ARHGEF3: variants seen among roughly 807,000 people sequenced by gnomAD.
ARHGEF3 encodes the protein Rho guanine nucleotide exchange factor 3.
A neutral mutation model predicts 63.2 loss-of-function variants in ARHGEF3; 28 were observed. The ratio of observed to expected loss-of-function variants is 0.44; its 90% CI spans 0.33 to 0.61. The LOEUF is 0.61. ARHGEF3 is among the 20% of genes least tolerant of loss of function. The pLI is 0.03. For missense variants in ARHGEF3, 533 were observed against 659.3 expected, an observed-to-expected ratio of 0.81 and a Z score of 2.10; for synonymous variants, 266 against 254.2, an observed-to-expected ratio of 1.05 and a Z score of -0.44.
At chr3:56,954,318 C>T (rs933625093) in intron 3 of ARHGEF3, among the ~76,000 whole-genome samples, 4 of 152,176 alleles carry the variant, frequency 2.6e-5, no homozygotes, top group African/African-American at 9.7e-5. Context: ...TGCCTCCACC[C>T]CACCCCAACA....
intron 3 of ARHGEF3, among the ~76,000 whole-genome samples, chr3:56,935,496 C>T (rs1274029439): frequency 1.3e-5 from 2 of 152,158 alleles, no homozygotes; most frequent in African/African-American, 4.8e-5. Context: ...ACTGCTCACT[C>T]TTTGGGTTCA....
At chr3:56,922,937 A>T (rs2042179250) in intron 3 of ARHGEF3, among the ~76,000 whole-genome samples, 2 of 151,298 alleles carry the variant, frequency 1.3e-5, no homozygotes, top group South Asian at 2.1e-4. Context: ...TGTAATCCCA[A>T]CACTTTGGGA....
At chr3:56,961,580 G>C (rs1348830926) in intron 2 of ARHGEF3, among the ~76,000 whole-genome samples, 2 of 152,120 alleles carry the variant, frequency 1.3e-5, no homozygotes, top group Non-Finnish European at 2.9e-5. Context: ...AAGCATCAGA[G>C]CAAATCTGTC....
At chr3:56,995,619 CCGAG>C (rs1701940535) in intron 2 of ARHGEF3, among the ~76,000 whole-genome samples, 1 of 57,418 alleles carries the variant, frequency 1.7e-5, no homozygotes. Context: ...AGTAAATTTT[CCGAG>C]AGAGAGAGAG....
chr3:57,073,658 T>C, intron 1 of ARHGEF3: 1 of 1,583,202 alleles, frequency 6.3e-7, no homozygotes, highest in South Asian at 1.2e-5. Flanking sequence ...TGCCCCAGCC[T>C]CCTTTTCTGG....
chr3:56,773,739 C>T lies in ARHGEF3; in HGVS notation c.174G>A (p.Thr58=), dbSNP rs769774704. 1.0e-5 allele frequency: 16 copies of T among 1,594,870 alleles called. No homozygotes were observed. Among genetic ancestry groups the T allele is most frequent in the Middle Eastern group, 1.7e-4 (1 of 6,026 alleles). The change falls in exon 2 of 10, where the codon ACG becomes ACA. Residue 58 remains threonine, a synonymous_variant. Coordinates refer to ENST00000296315, the MANE Select transcript of ARHGEF3 (RefSeq NM_019555.3). ...LANLIPPVKA[T]PLKRFSQTLQ... ...GGGTTTGACTGAAGCGCTTTAATGGCGTGGCCTTCACGGGCGGGATGAGGT... is the reference window on the plus strand; with the variant it reads ...GGGTTTGACTGAAGCGCTTTAATGGTGTGGCCTTCACGGGCGGGATGAGGT...
At chr3:56,846,622 T>C (rs1038634629) in intron 4 of ARHGEF3, among the ~76,000 whole-genome samples, 2 of 152,216 alleles carry the variant, frequency 1.3e-5, no homozygotes, top group Non-Finnish European at 2.9e-5. Context: ...CTGTATTTGC[T>C]GCTTTGAATG....
chr3:56,857,663 G>A (rs547489595), intron 4 of ARHGEF3, among the ~76,000 whole-genome samples: 3 of 152,258 alleles, frequency 2.0e-5, no homozygotes, highest in East Asian at 1.9e-4. Context: ...TTCTCCAAAC[G>A]GCTATAACAC....
intron 1 of ARHGEF3, among the ~76,000 whole-genome samples, chr3:56,787,366 C>T (rs1238405054): frequency 1.3e-5 from 2 of 152,248 alleles, no homozygotes; most frequent in Non-Finnish European, 2.9e-5. Context: ...AAGGCACTTG[C>T]CTACTCATAG....
intron 2 of ARHGEF3, among the ~76,000 whole-genome samples, chr3:57,003,655 T>A (rs1281939921): frequency 6.6e-6 from 1 of 152,222 alleles, no homozygotes; most frequent in Non-Finnish European, 1.5e-5. Flanking sequence ...TTAAGGATCT[T>A]GAGATGGGGT....
intron 1 of ARHGEF3, among the ~76,000 whole-genome samples, chr3:57,052,010 C>T (rs1560163066): frequency 6.6e-6 from 1 of 151,994 alleles, no homozygotes; most frequent in African/African-American, 2.4e-5. Context: ...CCACCATCTA[C>T]TGAGTATCAA....
intron 4 of ARHGEF3, among the ~76,000 whole-genome samples, chr3:56,843,284 G>A (rs193236849): frequency 2.5e-3 from 375 of 152,172 alleles, no homozygotes; most frequent in Non-Finnish European, 4.3e-3. Context: ...TTCTAAGACA[G>A]GGTCTCACTC....
chr3:56,860,991 G>C (rs1168126195), intron 4 of ARHGEF3, among the ~76,000 whole-genome samples: 2 of 152,178 alleles, frequency 1.3e-5, no homozygotes, highest in Non-Finnish European at 2.9e-5. Context: ...CAATGCGGCA[G>C]AAATAAAGCA....
intron 3 of ARHGEF3, among the ~76,000 whole-genome samples, chr3:56,936,915 C>T (rs973780977): frequency 3.3e-5 from 5 of 152,284 alleles, no homozygotes; most frequent in African/African-American, 1.2e-4. Context: ...AGATAGGTTT[C>T]GCCATGTTGC....
At chr3:56,819,445 T>A (rs922312974) in intron 4 of ARHGEF3, among the ~76,000 whole-genome samples, 6 of 152,144 alleles carry the variant, frequency 3.9e-5, no homozygotes, top group Non-Finnish European at 8.8e-5. Context: ...TGGAGCTAGT[T>A]TATTCTTTTG....
At chr3:56,867,287 C>A (rs2040281930) in intron 4 of ARHGEF3, among the ~76,000 whole-genome samples, 1 of 152,048 alleles carries the variant, frequency 6.6e-6, no homozygotes, top group African/African-American at 2.4e-5. Context: ...CCAGACACTG[C>A]CCCAGATGTT....
At chr3:56,899,967 G>A (rs992216878) in intron 3 of ARHGEF3, among the ~76,000 whole-genome samples, 8 of 152,186 alleles carry the variant, frequency 5.3e-5, no homozygotes, top group Admixed American at 3.3e-4. Flanking sequence ...ACCCAAAAGC[G>A]TTCGCCATCC....
intron 2 of ARHGEF3, among the ~76,000 whole-genome samples, chr3:56,976,103 G>A (rs1305738711): frequency 5.3e-5 from 8 of 152,042 alleles, no homozygotes; most frequent in Admixed American, 1.3e-4. Context: ...GTGCAGTGGC[G>A]CAATCTTGGC....
chr3:56,836,974 G>C (rs1056001574), intron 4 of ARHGEF3, among the ~76,000 whole-genome samples: 9 of 152,116 alleles, frequency 5.9e-5, no homozygotes, highest in Non-Finnish European at 1.3e-4. Context: ...TGATGTGAAA[G>C]AATCAGTCTG....
Sources: gnomAD v4.1 joint callset for allele counts (sites outside exome capture counted in the v4.1 genomes callset) on GRCh38, gnomAD v4.1.1 for gene constraint, MANE v1.5 for transcripts, NCBI Gene and HGNC (gene_info 2026-07-23, HGNC 2026-07-21) for gene names.